CAPN14: variants seen among roughly 807,000 people sequenced by gnomAD.
CAPN14 encodes the protein calpain-14.
A neutral mutation model predicts 101.3 loss-of-function variants in CAPN14; 94 were observed. That is an observed-to-expected ratio of 0.93 (90% CI 0.79 to 1.10). The LOEUF is 1.10. CAPN14 is among the 50% of genes least tolerant of loss of function. The probability of loss-of-function intolerance (pLI) is 0.00; values close to 1 mark genes in which losing one functional copy is unlikely to be tolerated. For missense variants in CAPN14, 837 were observed against 828.4 expected, an observed-to-expected ratio of 1.01 and a Z score of -0.13; for synonymous variants, 338 against 317.9, an observed-to-expected ratio of 1.06 and a Z score of -0.67.
At chr2:31,200,026 G>A (rs889924966) in intron 6 of CAPN14, among the ~76,000 whole-genome samples, 5 of 152,122 alleles carry the variant, frequency 3.3e-5, no homozygotes, top group South Asian at 2.1e-4. Context: ...TTTTTAAAAC[G>A]GAATCTCTCT....
At chr2:31,188,211 A>G (rs1271538079) in intron 14 of CAPN14, 107 bp downstream of exon 14, 5 of 965,014 alleles carry the variant, frequency 5.2e-6, no homozygotes, top group African/African-American at 4.9e-5. Flanking sequence ...CAGGGTCTGT[A>G]AGGATCCGCA....
intron 16 of CAPN14, among the ~76,000 whole-genome samples, chr2:31,184,754 A>G (rs576667835): frequency 1.3e-5 from 2 of 152,366 alleles, no homozygotes; most frequent in East Asian, 1.9e-4. Context: ...TTCATGGAAC[A>G]CTTACTAAAC....
intron 3 of CAPN14, 45 bp downstream of exon 3, chr2:31,203,025 C>G (rs1315201558): frequency 6.7e-7 from 1 of 1,495,338 alleles, no homozygotes; most frequent in Non-Finnish European, 9.1e-7. Context: ...CAGGCCTGGT[C>G]AGCAGGCAGC....
At chr2:31,184,354 C>A (rs1007408906) in intron 16 of CAPN14, among the ~76,000 whole-genome samples, 2 of 152,224 alleles carry the variant, frequency 1.3e-5, no homozygotes, top group Non-Finnish European at 2.9e-5. Context: ...GTATTTGTCT[C>A]TTCTTTGACT....
chr2:31,206,832 T>C (rs1682123853), intron 1 of CAPN14, among the ~76,000 whole-genome samples: 1 of 152,184 alleles, frequency 6.6e-6, no homozygotes. Context: ...TTTTCAGGTG[T>C]TACAACTGAA....
Position 31,193,150 on chromosome 2 carries a change from G to T in CAPN14, c.1095C>A (p.Gly365=). The T allele has an allele frequency of 6.4e-7, 1 of 1,550,526 alleles. No individual in the cohort carries two copies. Among genetic ancestry groups the T allele is most frequent in the Non-Finnish European group, 8.7e-7 (1 of 1,146,902 alleles). The change falls in exon 10 of 22, where the codon GGC becomes GGA. Residue 365 remains glycine, a synonymous_variant. Coordinates refer to ENST00000403897, the MANE Select transcript of CAPN14 (RefSeq NM_001145122.2). ...GCTCACCCTGCAGCAACTGCCTCTG[G>T]CCACCAGCTGTGCTCCGCTTCTCCC... ...GRWEKRSTAG[G]QRQLLQDTFW...
Position 31,224,964 on chromosome 2 carries a change from A to C in CAPN14, c.-53+1564T>G, listed in dbSNP as rs1405347674. Among the ~76,000 whole-genome samples, 3 of 152,030 alleles carry C rather than the reference A, an allele frequency of 2.0e-5. No individual in the cohort carries two copies. In the East Asian group the frequency reaches 5.8e-4, roughly 29 times the overall value. ...CTAAAATTAATTCACAGTTTTAATG[A>C]GATTCTGATTAAGAGATCCCAATGA... is the stretch of plus-strand genomic sequence containing the variant. On this transcript the variant is annotated intron_variant and NMD_transcript_variant, in intron 2 of 21. Transcript: ENST00000398824.
intron 10 of CAPN14, 151 bp downstream of exon 10, chr2:31,192,980 A>T: frequency 2.7e-6 from 2 of 746,042 alleles, no homozygotes; most frequent in Admixed American, 2.8e-5. Context: ...CCCTGTGGTT[A>T]TAGCCCAGGG....
In CAPN14 at chr2:31,187,813, T is replaced by A. The variant is rs1287507820; in HGVS notation, c.1532A>T (p.Glu511Val). ...GSNSGVVFSK[E>V]IEDQNERQDE... Reference sequence around the variant, plus strand: ...CTGCCTTTCATTTTGGTCTTCTATCTCCTATAGGAAGAGACACACAGAAAG... The same window carrying A: ...CTGCCTTTCATTTTGGTCTTCTATCACCTATAGGAAGAGACACACAGAAAG... The change falls in exon 15 of 22, where the codon GAG (glutamate) becomes GTG (valine). Residue 511 changes from glutamate (E) to valine (V), a missense_variant and splice_region_variant. Coordinates refer to ENST00000403897, the MANE Select transcript of CAPN14 (RefSeq NM_001145122.2). 2 of 1,550,014 alleles carry A rather than the reference T, an allele frequency of 1.3e-6. No homozygotes were observed. The highest frequency in any genetic ancestry group is 1.7e-6 in the Non-Finnish European group (2 of 1,145,422).
chr2:31,174,522 G>T lies in CAPN14; in HGVS notation c.*159C>A. 1 of 678,374 alleles carries T rather than the reference G, an allele frequency of 1.5e-6. No homozygotes were observed. Among genetic ancestry groups the T allele is most frequent in the Non-Finnish European group, 2.5e-6 (1 of 392,950 alleles). 42.0% of individuals were successfully genotyped at this position (678,374 alleles called of 1,614,324 possible). On this transcript the variant is annotated 3_prime_UTR_variant, in exon 22 of 22. Coordinates refer to ENST00000403897, the MANE Select transcript of CAPN14 (RefSeq NM_001145122.2). ...TTTCTGCATGCTGGCCATGCACGGG[G>T]AGGGCTGCAGAAGAGAAACCTTCCC... is the stretch of plus-strand genomic sequence containing the variant.
intron 1 of CAPN14, among the ~76,000 whole-genome samples, chr2:31,211,936 T>C (rs1273962055): frequency 6.6e-6 from 1 of 152,130 alleles, no homozygotes; most frequent in Non-Finnish European, 1.5e-5. Flanking sequence ...GCAAAATAAC[T>C]TTTGGGGTAA....
Position 31,188,346 on chromosome 2 carries a change from C to G in CAPN14, c.1502G>C (p.Gly501Ala). The G allele has an allele frequency of 6.4e-7, 1 of 1,551,604 alleles. No individual in the cohort carries two copies. The highest frequency in any genetic ancestry group is 8.7e-7 in the Non-Finnish European group (1 of 1,146,958). ...TGAGAAGACGACACCAGAATTGCTGCCAATTTCACTGAGAACAAACAAACA... is the reference window on the plus strand; with the variant it reads ...TGAGAAGACGACACCAGAATTGCTGGCAATTTCACTGAGAACAAACAAACA... ...FSRKHIFYEI[G>A]SNSGVVFSKE... Residue 501 changes from glycine (G) to alanine (A), a missense_variant, in exon 14 of 22, where the codon GGC (glycine) becomes GCC (alanine). Transcript: ENST00000403897.
At chr2:31,193,719 C>T (rs1681328815) in intron 9 of CAPN14, among the ~76,000 whole-genome samples, 1 of 152,224 alleles carries the variant, frequency 6.6e-6, no homozygotes, top group African/African-American at 2.4e-5. Flanking sequence ...TGGCCTGCGA[C>T]ACTCTATTTA....
chr2:31,226,101 A>G (rs1001698535), intron 2 of CAPN14, among the ~76,000 whole-genome samples: 1 of 152,218 alleles, frequency 6.6e-6, no homozygotes, highest in African/African-American at 2.4e-5. Context: ...CTAATAATTT[A>G]TAATAATTTA....
chr2:31,182,940 A>G (rs1004397267), intron 16 of CAPN14, among the ~76,000 whole-genome samples: 24 of 152,104 alleles, frequency 1.6e-4, no homozygotes, highest in African/African-American at 4.8e-4. Context: ...AAACTATACT[A>G]CAAGGCTACA....
At chr2:31,198,554 A>G (rs1681583648) in intron 7 of CAPN14, among the ~76,000 whole-genome samples, 1 of 152,234 alleles carries the variant, frequency 6.6e-6, no homozygotes, top group Non-Finnish European at 1.5e-5. Flanking sequence ...CATTTAGCAC[A>G]CAGTAAGTGC....
Position 31,173,263 on chromosome 2 carries a change from T to C in CAPN14, c.*1418A>G, listed in dbSNP as rs550666343. 1 of 151,956 alleles carries C rather than the reference T, an allele frequency of 6.6e-6. No homozygotes were observed. Among genetic ancestry groups the C allele is most frequent in the Non-Finnish European group, 1.5e-5 (1 of 67,982 alleles). The allele number at this position is 151,956 out of a possible 1,614,324, so 9.4% of individuals were successfully genotyped here. A position where few individuals can be genotyped will look rare whatever the true frequency, so the allele number is the denominator to read the frequency against. The stretch of plus-strand genomic sequence containing the variant: ...TTTATCATTTGGAATAAATGAAGGG[T>C]TTTTTTTCCTAAATAAAATACTTTC... On this transcript the variant is annotated 3_prime_UTR_variant, in exon 22 of 22. Coordinates refer to ENST00000403897, the MANE Select transcript of CAPN14 (RefSeq NM_001145122.2).
chr2:31,226,205 C>G (rs751237034), intron 2 of CAPN14, among the ~76,000 whole-genome samples: 6 of 151,990 alleles, frequency 3.9e-5, no homozygotes, highest in Non-Finnish European at 5.9e-5. Flanking sequence ...ACATTATCAC[C>G]CCAAACTTTA....
At position 31,174,546 on chromosome 2, in the gene CAPN14, C is replaced by A. The variant is rs540337924; in HGVS notation, c.*135G>T. 16 of 872,512 alleles carry A rather than the reference C, an allele frequency of 1.8e-5. No homozygotes were observed. The East Asian group carries it at 4.0e-4, about 22-fold the overall frequency. 54.0% of individuals were successfully genotyped at this position (872,512 alleles called of 1,614,324 possible). A position where few individuals can be genotyped will look rare whatever the true frequency, so the allele number is the denominator to read the frequency against. ...GGAGGGCTGCAGAAGAGAAACCTTCCCAGCTGAGAAGGTGACGGCTAGTGA... is the reference window on the plus strand; with the variant it reads ...GGAGGGCTGCAGAAGAGAAACCTTCACAGCTGAGAAGGTGACGGCTAGTGA... On this transcript the variant is annotated 3_prime_UTR_variant, in exon 22 of 22. Transcript: ENST00000403897.
Sources: gnomAD v4.1 joint callset for allele counts (sites outside exome capture counted in the v4.1 genomes callset) on GRCh38, gnomAD v4.1.1 for gene constraint, MANE v1.5 for transcripts, NCBI Gene and HGNC (gene_info 2026-07-23, HGNC 2026-07-21) for gene names.